The following INSC variants were observed in gnomAD, a reference collection of about 807,000 sequenced individuals.
INSC encodes INSC spindle orientation adaptor protein, also known as protein inscuteable homolog.
In INSC, 67 loss-of-function variants were observed where a neutral mutation model predicts 58.6. That is an observed-to-expected ratio of 1.14 (90% CI 0.94 to 1.40). The LOEUF is 1.40. Ranked by LOEUF, INSC falls within the 40% of genes most tolerant of loss-of-function variation. INSC has a pLI of 0.00. For missense variants in INSC, 714 were observed against 692.0 expected, an observed-to-expected ratio of 1.03 and a Z score of -0.36; for synonymous variants, 262 against 276.1, an observed-to-expected ratio of 0.95 and a Z score of 0.51.
intron 7 of INSC, among the ~76,000 whole-genome samples, chr11:15,214,255 A>G (rs1851131742): frequency 6.6e-6 from 1 of 152,180 alleles, no homozygotes; most frequent in Non-Finnish European, 1.5e-5. Flanking sequence ...ATTCCCACTC[A>G]TCATGTATTT....
At chr11:15,260,472 A>G in the INSC span, among the ~76,000 whole-genome samples, 1 of 152,182 alleles carries the variant, frequency 6.6e-6, no homozygotes, top group Non-Finnish European at 1.5e-5. Flanking sequence ...GCCACTTACT[A>G]TTTAACCTGA....
intron 2 of INSC, among the ~76,000 whole-genome samples, chr11:15,157,133 G>A (rs928900070): frequency 8.5e-5 from 13 of 152,276 alleles, no homozygotes; most frequent in African/African-American, 3.1e-4. Context: ...TGGGAACTGG[G>A]TAGGACTCCT....
chr11:15,252,800 A>G, the INSC span, among the ~76,000 whole-genome samples: 1 of 152,130 alleles, frequency 6.6e-6, no homozygotes, highest in Non-Finnish European at 1.5e-5. Flanking sequence ...TAAAACCACC[A>G]CATTGATTAT....
downstream of INSC, among the ~76,000 whole-genome samples, chr11:15,250,925 AG>A (rs1296483469): frequency 9.8e-5 from 15 of 152,372 alleles, no homozygotes; most frequent in Admixed American, 9.8e-4. Context: ...ACACTGTTTA[AG>A]ATTGTAAAAA....
chr11:15,225,802 G>A lies in INSC; in HGVS notation c.1144G>A (p.Val382Met), dbSNP rs1851614413. Reference sequence around the variant, plus strand: ...GGAAGCCTGCAGTGACAAGCAGAGAGTGGACACGCCTTACACTCGGGACCA... The same window carrying A: ...GGAAGCCTGCAGTGACAAGCAGAGAATGGACACGCCTTACACTCGGGACCA... ...LLEACSDKQR[V>M]DTPYTRDQIV... The change falls in exon 9 of 13, where the codon GTG becomes ATG. Residue 382 changes from valine (V) to methionine (M), a missense_variant. Transcript: ENST00000379556. 1 of 1,613,632 alleles carries A rather than the reference G, an allele frequency of 6.2e-7. No individual in the cohort carries two copies. Among genetic ancestry groups the A allele is most frequent in the Non-Finnish European group, 8.5e-7 (1 of 1,179,786 alleles).
intron 1 of INSC, among the ~76,000 whole-genome samples, chr11:15,148,059 G>A (rs769795692): frequency 1.5e-4 from 23 of 152,210 alleles, no homozygotes; most frequent in Non-Finnish European, 3.1e-4. Flanking sequence ...CAGGAGCACA[G>A]CAGGGACAAG....
upstream of INSC, among the ~76,000 whole-genome samples, chr11:15,112,856 T>C (rs1847601102): frequency 6.6e-6 from 1 of 152,156 alleles, no homozygotes; most frequent in Non-Finnish European, 1.5e-5. Context: ...GTGCTTTACA[T>C]CCTTGACCTC....
At chr11:15,251,328 C>A (rs568430588), downstream of INSC, among the ~76,000 whole-genome samples, 2 of 152,294 alleles carry the variant, frequency 1.3e-5, no homozygotes, top group South Asian at 2.1e-4. Context: ...AGGTGTAAAT[C>A]TTTATAATCT....
chr11:15,215,821 C>T (rs1277292702), intron 7 of INSC, among the ~76,000 whole-genome samples: 2 of 152,120 alleles, frequency 1.3e-5, no homozygotes, highest in Non-Finnish European at 2.9e-5. Flanking sequence ...CAGAGATGAC[C>T]TCTTCTGGGT....
chr11:15,145,045 T>C (rs1848459275), intron 1 of INSC, among the ~76,000 whole-genome samples: 1 of 152,234 alleles, frequency 6.6e-6, no homozygotes, highest in Admixed American at 6.5e-5. Context: ...TCTTCCCTGC[T>C]CACTCCTACA....
chr11:15,205,731 C>T (rs910479303), intron 7 of INSC, among the ~76,000 whole-genome samples: 4 of 152,034 alleles, frequency 2.6e-5, no homozygotes, highest in Non-Finnish European at 4.4e-5. Flanking sequence ...ACTGAGACTC[C>T]GAGACAGTGT....
At chr11:15,254,045 T>G in the INSC span, among the ~76,000 whole-genome samples, 1 of 152,212 alleles carries the variant, frequency 6.6e-6, no homozygotes, top group Admixed American at 6.5e-5. Flanking sequence ...CTGATGGTAT[T>G]TATTGAGTGC....
At chr11:15,146,437 A>G (rs1377725124) in intron 1 of INSC, among the ~76,000 whole-genome samples, 3 of 152,204 alleles carry the variant, frequency 2.0e-5, no homozygotes, top group Non-Finnish European at 2.9e-5. Flanking sequence ...TGCATATGCA[A>G]TCAGATGTCC....
At chr11:15,181,539 G>C (rs1849779168) in intron 5 of INSC, among the ~76,000 whole-genome samples, 1 of 152,128 alleles carries the variant, frequency 6.6e-6, no homozygotes. Flanking sequence ...GACTAAAGCT[G>C]CTGAAAGAAA....
chr11:15,206,953 C>T (rs1204081399), intron 7 of INSC, among the ~76,000 whole-genome samples: 1 of 152,146 alleles, frequency 6.6e-6, no homozygotes, highest in Non-Finnish European at 1.5e-5. Flanking sequence ...CCCAAAGGAC[C>T]TGGTTATTGG....
chr11:15,216,096 C>G (rs1851208867), intron 7 of INSC, among the ~76,000 whole-genome samples: 1 of 152,116 alleles, frequency 6.6e-6, no homozygotes. Context: ...GTTTGGGTGC[C>G]TTTGTCTGAT....
At chr11:15,191,083 C>T (rs1029440507) in intron 6 of INSC, among the ~76,000 whole-genome samples, 2 of 151,690 alleles carry the variant, frequency 1.3e-5, no homozygotes, top group African/African-American at 4.9e-5. Flanking sequence ...CGGGTTCACG[C>T]CATTCTCCTG....
chr11:15,240,339 C>T, intron 11 of INSC, 108 bp from the exon 12 acceptor site: 1 of 924,164 alleles, frequency 1.1e-6, no homozygotes, highest in Admixed American at 2.0e-5. Flanking sequence ...GAGGTGGGTT[C>T]AGTCCCCTTC....
chr11:15,251,879 G>A (rs1191958890), downstream of INSC, among the ~76,000 whole-genome samples: 1 of 152,074 alleles, frequency 6.6e-6, no homozygotes, highest in Non-Finnish European at 1.5e-5. Context: ...TTCCACTCAT[G>A]GTATATGTTC....
Sources: gnomAD v4.1 joint callset for allele counts (sites outside exome capture counted in the v4.1 genomes callset) on GRCh38, gnomAD v4.1.1 for gene constraint, MANE v1.5 for transcripts, NCBI Gene and HGNC (gene_info 2026-07-23, HGNC 2026-07-21) for gene names.